Variants in MGST1 observed in about 807,000 individuals in gnomAD.
MGST1 encodes glutathione S-transferase 12.
In MGST1, 5 loss-of-function variants were observed where a neutral mutation model predicts 8.9. The ratio of observed to expected loss-of-function variants is 0.56; its 90% CI spans 0.29 to 1.19. The LOEUF (loss-of-function observed/expected upper bound fraction) is 1.19, where lower values mean the gene tolerates loss of function less well. Ranked by LOEUF, MGST1 falls within the 50% of genes most tolerant of loss-of-function variation. The pLI, the probability that MGST1 is intolerant of heterozygous loss-of-function variation, is 0.08. For missense variants in MGST1, 182 were observed against 187.4 expected, an observed-to-expected ratio of 0.97 and a Z score of 0.17; for synonymous variants, 54 against 67.8, an observed-to-expected ratio of 0.80 and a Z score of 1.00.
rs1942347857 is a variant in MGST1 at position 16,560,245 on chromosome 12, C to T, written n.483-29283C>T. ...TTCAGGTAGAAGTAAGTCTTAAGAC[C>T]TTTCTTCTCCTTAGTAGCTTGTCTC... On this transcript the variant is annotated intron_variant and non_coding_transcript_variant, in intron 4 of 4. Coordinates refer to the MGST1 transcript ENST00000538857. This position sits in a 1 kb window ranked among gnomAD's most constrained non-coding sequence, Gnocchi z 5.0. Among the ~76,000 whole-genome samples, 1 of 152,020 alleles carries T rather than the reference C, an allele frequency of 6.6e-6. No homozygotes were observed. The highest frequency in any genetic ancestry group is 2.4e-5 in the African/African-American group (1 of 41,384).
intron 4 of MGST1, among the ~76,000 whole-genome samples, chr12:16,450,019 G>A (rs1430503756): frequency 6.6e-6 from 1 of 151,908 alleles, no homozygotes; most frequent in Admixed American, 6.6e-5. Context: ...AGAGTTCCCT[G>A]AGTAAAGACT....
chr12:16,447,918 C>G (rs1236994988), intron 4 of MGST1, among the ~76,000 whole-genome samples: 1 of 151,870 alleles, frequency 6.6e-6, no homozygotes, highest in Non-Finnish European at 1.5e-5. Context: ...CTGGAGGTCT[C>G]AATCAATGAT....
intron 1 of MGST1, chr12:16,402,482 T>G: frequency 6.8e-7 from 1 of 1,476,164 alleles, no homozygotes. Context: ...CTCTGCCACC[T>G]GCTCTCGGCC....
chr12:16,457,589 A>G (rs1324595505), intron 4 of MGST1, among the ~76,000 whole-genome samples: 1 of 151,966 alleles, frequency 6.6e-6, no homozygotes, highest in South Asian at 2.1e-4. Context: ...ATCTATTATT[A>G]TATTGGCAGC....
intron 1 of MGST1, among the ~76,000 whole-genome samples, chr12:16,404,058 T>C (rs1056992227): frequency 6.6e-6 from 1 of 152,228 alleles, no homozygotes; most frequent in African/African-American, 2.4e-5. Context: ...ACTCTGATTG[T>C]AGAATTGTTC....
rs996095695 is a variant in MGST1 at position 16,559,825 on chromosome 12, G to T, written n.483-29703G>T. Among the ~76,000 whole-genome samples the T allele has an allele frequency of 6.6e-6, 1 of 151,740 alleles. No individual in the cohort carries two copies. Among genetic ancestry groups the T allele is most frequent in the Non-Finnish European group, 1.5e-5 (1 of 67,948 alleles). ...AAAAAAAAAAAAATTAGCCAGGCAT[G>T]GGAGTGCACACCTGTACTCCCAGCT... On this transcript the variant is annotated intron_variant and non_coding_transcript_variant, in intron 4 of 4. Coordinates refer to the MGST1 transcript ENST00000538857. The surrounding 1 kb of genome is among the most constrained non-coding windows in gnomAD (Gnocchi z 4.1).
At chr12:16,376,493 A>G (rs1940382578) in exon 4 of MGST1, 1 of 169,266 alleles carries the variant, frequency 5.9e-6, no homozygotes, top group Non-Finnish European at 1.3e-5. Context: ...GACAGAGAAA[A>G]ATGCTCCAGG....
At chr12:16,490,452 A>C (rs1941431271) in intron 4 of MGST1, among the ~76,000 whole-genome samples, 1 of 152,206 alleles carries the variant, frequency 6.6e-6, no homozygotes, top group Non-Finnish European at 1.5e-5. Context: ...AGAAATAAAC[A>C]TTTGTATTTC....
rs1943204108 is a variant in MGST1 at position 16,582,872 on chromosome 12, A to AC, written n.483-6652dup. Among the ~76,000 whole-genome samples the AC allele has an allele frequency of 6.6e-6, 1 of 151,820 alleles. No homozygotes were observed. The highest frequency in any genetic ancestry group is 1.5e-5 in the Non-Finnish European group (1 of 67,980). On this transcript the variant is annotated intron_variant and non_coding_transcript_variant, in intron 4 of 4. Transcript: ENST00000538857. This position sits in a 1 kb window ranked among gnomAD's most constrained non-coding sequence, Gnocchi z 4.1. ...AGACCAGCCTGGCCAACATGGCGAA[A>AC]CCCCGTCTCTACTAAAATAAAAAAA...
At position 16,527,219 on chromosome 12, in the gene MGST1, AAAT is replaced by A. The variant is rs531042027; in HGVS notation, n.483-62298_483-62296del. On this transcript the variant is annotated intron_variant and non_coding_transcript_variant, in intron 4 of 4. Transcript: ENST00000538857. ...TATATCTGGTTTCTTTGCATGTATTAAATAATAATAATATTTTCAAAAGTATAC... is the reference window on the plus strand; with the variant it reads ...TATATCTGGTTTCTTTGCATGTATTAAATAATAATATTTTCAAAAGTATAC... 2.3e-4 allele frequency among the ~76,000 whole-genome samples: 35 copies of A among 152,148 alleles called. No homozygotes were observed. The East Asian group carries it at 6.2e-3, about 27-fold the overall frequency.
At position 16,520,026 on chromosome 12, in the gene MGST1, G is replaced by T. The variant is rs191548812; in HGVS notation, n.483-69502G>T. ...ATTTAATAAATAAACAACGATAAAA[G>T]TAAGAGGTCTATTTCACCCATTTAG... On this transcript the variant is annotated intron_variant and non_coding_transcript_variant, in intron 4 of 4. Transcript: ENST00000538857. 3.3e-5 allele frequency among the ~76,000 whole-genome samples: 5 copies of T among 152,266 alleles called. No individual in the cohort carries two copies. The East Asian group carries it at 9.7e-4, about 29-fold the overall frequency.
At chr12:16,501,917 C>A (rs995282473) in intron 4 of MGST1, among the ~76,000 whole-genome samples, 1 of 151,954 alleles carries the variant, frequency 6.6e-6, no homozygotes, top group Non-Finnish European at 1.5e-5. Flanking sequence ...ATCAAAAATT[C>A]TATTAATTAT....
intron 4 of MGST1, among the ~76,000 whole-genome samples, chr12:16,530,883 G>C (rs1591753304): frequency 6.6e-6 from 1 of 152,022 alleles, no homozygotes; most frequent in Non-Finnish European, 1.5e-5. Flanking sequence ...CTAAAAGTAA[G>C]AGCATGGTCT....
At chr12:16,387,961 A>G (rs751547406) in intron 1 of MGST1, among the ~76,000 whole-genome samples, 7 of 152,084 alleles carry the variant, frequency 4.6e-5, no homozygotes, top group Non-Finnish European at 7.4e-5. Flanking sequence ...AGTCTACACC[A>G]TATAGCCTAG....
intron 4 of MGST1, among the ~76,000 whole-genome samples, chr12:16,536,578 T>C (rs1941758184): frequency 6.6e-6 from 1 of 152,246 alleles, no homozygotes; most frequent in Non-Finnish European, 1.5e-5. Context: ...ATTTTCATGC[T>C]GCTGATAACG....
chr12:16,560,130 AAAATAATAAAAGAAG>A lies in MGST1; in HGVS notation n.483-29397_483-29383del, dbSNP rs1942341766. On this transcript the variant is annotated intron_variant and non_coding_transcript_variant, in intron 4 of 4. Coordinates refer to the MGST1 transcript ENST00000538857. The surrounding 1 kb of genome is among the most constrained non-coding windows in gnomAD (Gnocchi z 5.0). ...TTAAAACTACTTTTAAAAAGACAGG[AAAATAATAAAAGAAG>A]GAATGAGTAAAAGAAGTCAGAGTTT... 6.6e-6 allele frequency among the ~76,000 whole-genome samples: 1 copy of A among 152,212 alleles called. No homozygotes were observed. Among genetic ancestry groups the A allele is most frequent in the African/African-American group, 2.4e-5 (1 of 41,450 alleles).
Position 16,364,086 on chromosome 12 carries a change from T to C in MGST1, c.*45T>C. On this transcript the variant is annotated 3_prime_UTR_variant, in exon 4 of 4. Transcript: ENST00000396210. This position sits in a 1 kb window ranked among gnomAD's most constrained non-coding sequence, Gnocchi z 5.7. ...CATCCAGTTGGCTTTTTAAGAATTC[T>C]GTACTTCCAATTTATAATGAATACT... 2.0e-6 allele frequency: 3 copies of C among 1,537,872 alleles called. No individual in the cohort carries two copies. The highest frequency in any genetic ancestry group is 2.3e-5 in the East Asian group (1 of 44,312).
At chr12:16,412,660 G>A (rs984783571) in intron 1 of MGST1, among the ~76,000 whole-genome samples, 14 of 152,048 alleles carry the variant, frequency 9.2e-5, no homozygotes, top group Admixed American at 6.6e-5. Flanking sequence ...TCATGGTAGT[G>A]AATAAATCTC....
rs112409841 is a variant in MGST1, at chr12:16,557,535, A to C, written n.483-31993A>C. 2.1e-3 allele frequency among the ~76,000 whole-genome samples: 321 copies of C among 152,212 alleles called. 1 individual carries two copies. Among genetic ancestry groups the C allele is most frequent in the African/African-American group, 7.3e-3 (305 of 41,572 alleles). ...AACTGTTATATACCTTGTTTAAGTA[A>C]TCATGCTCTGTGAATTTAACCAGAT... On this transcript the variant is annotated intron_variant and non_coding_transcript_variant, in intron 4 of 4. Coordinates refer to the MGST1 transcript ENST00000538857.
Sources: allele counts gnomAD v4.1 joint callset (sites outside exome capture counted in the v4.1 genomes callset), GRCh38; gene constraint gnomAD v4.1.1; non-coding constraint Gnocchi (gnomAD v3.1); transcripts MANE v1.5; gene names NCBI Gene and HGNC (gene_info 2026-07-23, HGNC 2026-07-21).